CHN2: variants seen among roughly 807,000 people sequenced by gnomAD.
CHN2 encodes chimerin 2, also known as beta-chimaerin.
A neutral mutation model predicts 56.3 loss-of-function variants in CHN2; 35 were observed. The observed-to-expected ratio is 0.62, with a 90% CI of 0.47 to 0.82. The LOEUF (loss-of-function observed/expected upper bound fraction) is 0.82, where lower values mean the gene tolerates loss of function less well. Ranked by LOEUF, CHN2 falls within the 40% of genes least tolerant of loss-of-function variation. The probability of loss-of-function intolerance (pLI) is 0.00; values close to 1 mark genes in which losing one functional copy is unlikely to be tolerated. For synonymous variants in CHN2, 210 were observed against 212.8 expected (o/e 0.99, Z 0.12); for missense variants, 491 against 580.5 (o/e 0.85, Z 1.58).
rs143270987 is a variant in CHN2, at chr7:29,512,723, C to T, written c.1395C>T (p.Asp465=). 4.3e-5 allele frequency: 69 copies of T among 1,613,848 alleles called. No individual in the cohort carries two copies. The African/African-American group carries it at 6.0e-4, about 14-fold the overall frequency. The change falls in exon 13 of 13, where the codon GAC becomes GAT. Residue 465 remains aspartate (D), a synonymous_variant. Coordinates refer to ENST00000222792, the MANE Select transcript of CHN2 (RefSeq NM_004067.4). ...TGCAGATTTTAATAGAAAACGAAGA[C>T]GTTTTATTCTAATCCATCAGGGAAA... is the stretch of plus-strand genomic sequence containing the variant. ...LIVQILIENE[D]VLF
At chr7:29,407,046 G>C (rs1164533245) in intron 6 of CHN2, among the ~76,000 whole-genome samples, 3 of 152,150 alleles carry the variant, frequency 2.0e-5, no homozygotes, top group Admixed American at 2.0e-4. Context: ...CCGTCTCTCA[G>C]CACGTGCTCC....
intron 7 of CHN2, among the ~76,000 whole-genome samples, chr7:29,487,408 C>G (rs888915998): frequency 3.5e-4 from 54 of 152,118 alleles, no homozygotes; most frequent in African/African-American, 1.2e-3. Context: ...TGTTTCTGCT[C>G]CCAGAGTGCT....
intron 6 of CHN2, chr7:29,401,103 CAA>C (rs1802167351): frequency 3.0e-6 from 1 of 338,774 alleles, no homozygotes; most frequent in Non-Finnish European, 5.5e-6. Context: ...CCCGTCTCTA[CAA>C]AAAATACAAA....
chr7:29,447,290 A>G (rs1784098551), intron 6 of CHN2, among the ~76,000 whole-genome samples: 1 of 152,244 alleles, frequency 6.6e-6, no homozygotes, highest in Non-Finnish European at 1.5e-5. Context: ...AAACCTTTAG[A>G]AATGAAAATT....
chr7:29,231,075 T>A (rs1425910284), intron 1 of CHN2, among the ~76,000 whole-genome samples: 6 of 152,212 alleles, frequency 3.9e-5, no homozygotes, highest in Non-Finnish European at 8.8e-5. Context: ...TGCATTGTGA[T>A]GAGCCTGGCG....
intron 1 of CHN2, among the ~76,000 whole-genome samples, chr7:29,307,273 T>A (rs1794244193): frequency 6.6e-6 from 1 of 152,224 alleles, no homozygotes; most frequent in South Asian, 2.1e-4. Flanking sequence ...TATCAGTAAC[T>A]ACATAATAAG....
chr7:29,270,464 G>T (rs182266869), intron 1 of CHN2, among the ~76,000 whole-genome samples: 2 of 145,452 alleles, frequency 1.4e-5, no homozygotes, highest in Admixed American at 1.4e-4. Flanking sequence ...AGACCAGCCT[G>T]GCCCACATGG....
At chr7:29,355,985 G>C (rs1798289456) in intron 2 of CHN2, among the ~76,000 whole-genome samples, 1 of 151,612 alleles carries the variant, frequency 6.6e-6, no homozygotes, top group Non-Finnish European at 1.5e-5. Context: ...GTTTTGCCAT[G>C]TTGCCCAGAG....
intron 1 of CHN2, among the ~76,000 whole-genome samples, chr7:29,198,988 C>G (rs3812396): frequency 0.033 from 5,037 of 152,178 alleles, 316 homozygotes; most frequent in East Asian, 0.2. Context: ...AATTAAAATG[C>G]AAACAGAAAA....
intron 1 of CHN2, among the ~76,000 whole-genome samples, chr7:29,332,148 G>A (rs548763829): frequency 2.4e-4 from 37 of 152,288 alleles, no homozygotes; most frequent in African/African-American, 7.9e-4. Flanking sequence ...ATGGAGCAGC[G>A]GTTGAGAACT....
intron 6 of CHN2, among the ~76,000 whole-genome samples, chr7:29,405,161 C>CCACA (rs1429739362): frequency 1.2e-4 from 6 of 49,868 alleles, no homozygotes; most frequent in East Asian, 1.0e-3. Context: ...GCTTATGTCA[C>CCACA]CATACACACA....
intron 12 of CHN2, among the ~76,000 whole-genome samples, chr7:29,511,051 A>G (rs1791293501): frequency 6.6e-6 from 1 of 152,230 alleles, no homozygotes; most frequent in Non-Finnish European, 1.5e-5. Context: ...TTTTTGAAAG[A>G]TACTTGGCAG....
At chr7:29,427,608 A>G (rs1484437274) in intron 6 of CHN2, among the ~76,000 whole-genome samples, 10 of 149,126 alleles carry the variant, frequency 6.7e-5, no homozygotes, top group Non-Finnish European at 1.0e-4. Flanking sequence ...TGCTACTCAT[A>G]TATCTGTTGA....
At chr7:29,507,743 ATGAT>A (rs59555158) in intron 11 of CHN2, among the ~76,000 whole-genome samples, 29,002 of 152,158 alleles carry the variant, frequency 0.19, 2,885 homozygotes, top group South Asian at 0.24. Flanking sequence ...TGGAAGAAGA[ATGAT>A]TGTCTTGGGC....
rs1794535297 is a variant in CHN2, at chr7:29,310,749, G to A, written c.50-43876G>A. 1.3e-5 allele frequency among the ~76,000 whole-genome samples: 2 copies of A among 152,122 alleles called. 1 individual carries two copies. Among genetic ancestry groups the A allele is most frequent in the South Asian group, 4.1e-4 (2 of 4,820 alleles). Reference sequence around the variant, plus strand: ...CTGTGTCCTCACTGTGTCCTCACATGGTGGGAGGAGGAAGGTGGTTCTCCA... The same window carrying A: ...CTGTGTCCTCACTGTGTCCTCACATAGTGGGAGGAGGAAGGTGGTTCTCCA... On this transcript the variant is annotated intron_variant, in intron 1 of 12. Coordinates refer to ENST00000222792, the MANE Select transcript of CHN2 (RefSeq NM_004067.4).
chr7:29,337,357 A>G (rs189828332), intron 1 of CHN2, among the ~76,000 whole-genome samples: 4 of 152,334 alleles, frequency 2.6e-5, no homozygotes, highest in African/African-American at 7.2e-5. Flanking sequence ...GAACTTTCAC[A>G]TGCTGCGATT....
chr7:29,460,911 A>C (rs530636604), intron 6 of CHN2, among the ~76,000 whole-genome samples: 1 of 152,344 alleles, frequency 6.6e-6, no homozygotes, highest in East Asian at 1.9e-4. Context: ...CAGTTTCCTC[A>C]TCTGTAAGAT....
chr7:29,387,519 C>T (rs1263531540), intron 3 of CHN2, among the ~76,000 whole-genome samples: 2 of 152,204 alleles, frequency 1.3e-5, no homozygotes, highest in Non-Finnish European at 2.9e-5. Context: ...CACGTTCTCT[C>T]ATGTGTGGCA....
chr7:29,399,673 T>C (rs1802043700), intron 5 of CHN2, among the ~76,000 whole-genome samples: 1 of 152,186 alleles, frequency 6.6e-6, no homozygotes, highest in Non-Finnish European at 1.5e-5. Flanking sequence ...TGGAAGCCCT[T>C]CCCAGGCCCA....
Sources: allele counts gnomAD v4.1 joint callset (sites outside exome capture counted in the v4.1 genomes callset), GRCh38; gene constraint gnomAD v4.1.1; transcripts MANE v1.5; gene names NCBI Gene and HGNC (gene_info 2026-07-23, HGNC 2026-07-21).